Variants in FSTL4 observed in about 807,000 individuals in gnomAD.
FSTL4 encodes the protein follistatin-related protein 4.
In FSTL4, 28 loss-of-function variants were observed where a neutral mutation model predicts 78.2. That is an observed-to-expected ratio of 0.36 (90% confidence interval 0.27 to 0.49). The LOEUF (loss-of-function observed/expected upper bound fraction) is 0.49, where lower values mean the gene tolerates loss of function less well. Ranked by LOEUF, FSTL4 falls within the 20% of genes least tolerant of loss-of-function variation. The pLI is 0.98. For missense variants in FSTL4, 922 were observed against 1,084.9 expected (o/e 0.85, Z 2.11); for synonymous variants, 422 against 440.5 (o/e 0.96, Z 0.53).
chr5:133,201,377 T>A (rs1032122742), intron 15 of FSTL4, among the ~76,000 whole-genome samples: 11 of 152,162 alleles, frequency 7.2e-5, no homozygotes, highest in Non-Finnish European at 1.3e-4. Context: ...GGAAGCCTTG[T>A]CTCGTTGTGG....
intron 3 of FSTL4, among the ~76,000 whole-genome samples, chr5:133,477,653 G>A (rs1580734131): frequency 6.6e-6 from 1 of 152,122 alleles, no homozygotes; most frequent in African/African-American, 2.4e-5. Flanking sequence ...AGACACGGGG[G>A]GAAAATGACC....
the FSTL4 span, among the ~76,000 whole-genome samples, chr5:133,647,591 T>A: frequency 6.6e-6 from 1 of 152,180 alleles, no homozygotes; most frequent in Non-Finnish European, 1.5e-5. Flanking sequence ...TCTTCATCCC[T>A]TTCCAGGAGA....
chr5:133,792,579 CTCTG>C, the FSTL4 span, among the ~76,000 whole-genome samples: 57 of 152,342 alleles, frequency 3.7e-4, 1 homozygote, highest in African/African-American at 1.0e-3. Context: ...GTTTCCGTCA[CTCTG>C]TCTGACTGTC....
the FSTL4 span, among the ~76,000 whole-genome samples, chr5:133,725,806 G>A: frequency 1.3e-5 from 2 of 152,198 alleles, no homozygotes; most frequent in African/African-American, 4.8e-5. Context: ...CATGAAAAGA[G>A]CAGTTTACCT....
At chr5:133,595,217 C>G (rs1354310261) in intron 2 of FSTL4, among the ~76,000 whole-genome samples, 1 of 152,184 alleles carries the variant, frequency 6.6e-6, no homozygotes, top group Non-Finnish European at 1.5e-5. Context: ...CCTGTTCCTA[C>G]ACACATCCCA....
intron 4 of FSTL4, among the ~76,000 whole-genome samples, chr5:133,336,275 G>A (rs1478562164): frequency 6.6e-6 from 1 of 152,166 alleles, no homozygotes; most frequent in Non-Finnish European, 1.5e-5. Context: ...GCCCTGAACA[G>A]TCCTCATCAC....
At chr5:133,725,708 T>C in the FSTL4 span, among the ~76,000 whole-genome samples, 2 of 152,186 alleles carry the variant, frequency 1.3e-5, no homozygotes, top group East Asian at 3.8e-4. Context: ...GGGGTTGTTA[T>C]TAATAACACT....
At chr5:133,701,905 G>C in the FSTL4 span, among the ~76,000 whole-genome samples, 3 of 152,052 alleles carry the variant, frequency 2.0e-5, no homozygotes, top group Admixed American at 1.3e-4. Context: ...CTGATGCTGT[G>C]AGCATTCCAT....
chr5:133,305,817 T>G (rs1753643344), intron 6 of FSTL4, among the ~76,000 whole-genome samples: 1 of 152,238 alleles, frequency 6.6e-6, no homozygotes, highest in African/African-American at 2.4e-5. Flanking sequence ...CTCCCTGCCC[T>G]GGTCAGGTTC....
At chr5:133,660,376 C>G in the FSTL4 span, among the ~76,000 whole-genome samples, 1 of 152,174 alleles carries the variant, frequency 6.6e-6, no homozygotes, top group East Asian at 1.9e-4. Flanking sequence ...TAGGGAAATC[C>G]TCCTGTACAA....
At position 133,233,343 on chromosome 5, in the gene FSTL4, G is replaced by T; in HGVS notation, c.1015+74C>A. The T allele has an allele frequency of 2.7e-6, 4 of 1,505,534 alleles. No individual in the cohort carries two copies. The South Asian group carries it at 4.6e-5, about 17-fold the overall frequency. The allele number at this position is 1,505,534 out of a possible 1,614,324, so 93.3% of individuals were successfully genotyped here. A position where few individuals can be genotyped will look rare whatever the true frequency, so the allele number is the denominator to read the frequency against. ...TTCTTTAAGAAGACAGAATACAGGA[G>T]GGGGCGAGGGTTGATCTGAGCAGCA... On this transcript the variant is annotated intron_variant, in intron 8 of 15. Transcript: ENST00000265342.
At chr5:133,432,185 C>T (rs187425487) in intron 3 of FSTL4, among the ~76,000 whole-genome samples, 92 of 152,242 alleles carry the variant, frequency 6.0e-4, no homozygotes, top group Admixed American at 3.1e-3. Context: ...AAAACAGAGG[C>T]TCAGAGAGGT....
At chr5:133,532,612 C>T (rs188942536) in intron 3 of FSTL4, among the ~76,000 whole-genome samples, 34 of 152,244 alleles carry the variant, frequency 2.2e-4, no homozygotes, top group Non-Finnish European at 3.7e-4. Context: ...GGACTCTGGG[C>T]GTCAGAACCA....
At chr5:133,508,198 G>T (rs764681116) in intron 3 of FSTL4, among the ~76,000 whole-genome samples, 11 of 152,200 alleles carry the variant, frequency 7.2e-5, no homozygotes, top group African/African-American at 9.7e-5. Context: ...TTAAATTGCA[G>T]GTAGGATTGG....
At chr5:133,573,734 T>C (rs985622480) in intron 2 of FSTL4, among the ~76,000 whole-genome samples, 3 of 152,202 alleles carry the variant, frequency 2.0e-5, no homozygotes, top group East Asian at 1.9e-4. Flanking sequence ...CTTGACCTAA[T>C]TGACAGACAT....
intron 6 of FSTL4, among the ~76,000 whole-genome samples, chr5:133,293,296 T>C (rs1444081682): frequency 1.3e-5 from 2 of 152,226 alleles, no homozygotes; most frequent in Non-Finnish European, 2.9e-5. Context: ...GTTCCCACTT[T>C]TGCATCTGTG....
the FSTL4 span, among the ~76,000 whole-genome samples, chr5:133,695,425 T>C: frequency 6.6e-6 from 1 of 152,106 alleles, no homozygotes; most frequent in Non-Finnish European, 1.5e-5. Flanking sequence ...AGGTTTCCCT[T>C]CTCAAATGTC....
chr5:133,314,241 T>C (rs556329078), intron 5 of FSTL4, among the ~76,000 whole-genome samples: 3 of 152,362 alleles, frequency 2.0e-5, no homozygotes, highest in Non-Finnish European at 2.9e-5. Flanking sequence ...CAGAGCAGCC[T>C]GAGTCACCTG....
intron 3 of FSTL4, among the ~76,000 whole-genome samples, chr5:133,467,886 C>A (rs1020303001): frequency 2.0e-5 from 3 of 152,212 alleles, no homozygotes; most frequent in African/African-American, 7.2e-5. Context: ...TACCTTGAAA[C>A]ACTCGGGTGG....
Sources: gnomAD v4.1 joint callset for allele counts (sites outside exome capture counted in the v4.1 genomes callset) on GRCh38, gnomAD v4.1.1 for gene constraint, MANE v1.5 for transcripts, NCBI Gene and HGNC (gene_info 2026-07-23, HGNC 2026-07-21) for gene names.